Variants in KLHDC4 observed in about 807,000 individuals in gnomAD.
The protein encoded by KLHDC4 is kelch domain containing 4.
KLHDC4 carries 90 observed loss-of-function variants against 62.4 expected under a neutral mutation model. The observed-to-expected ratio is 1.44, with a 90% CI of 1.22 to 1.72. KLHDC4 has a LOEUF of 1.72. Ranked by LOEUF, KLHDC4 falls within the 40% of genes most tolerant of loss-of-function variation. KLHDC4 has a pLI of 0.00. For synonymous variants in KLHDC4, 386 were observed against 284.4 expected (o/e 1.36, Z -3.59); for missense variants, 1,025 against 699.7 (o/e 1.47, Z -5.25).
At chr16:87,714,429 G>A (rs760238206) in intron 8 of KLHDC4, 69 bp downstream of exon 8, 3 of 1,547,452 alleles carry the variant, frequency 1.9e-6, no homozygotes, top group Non-Finnish European at 2.6e-6. Flanking sequence ...ATCCATGGGA[G>A]GGTGTGGGCT....
intron 2 of KLHDC4, among the ~76,000 whole-genome samples, chr16:87,760,606 CAAAAAAAAAAA>C (rs546426686): frequency 1.9e-5 from 1 of 52,162 alleles, no homozygotes; most frequent in Non-Finnish European, 3.8e-5. Context: ...GACTCCGTCC[CAAAAAAAAAAA>C]AAAAAAAAAG....
At chr16:87,744,822 C>G (rs1396547864) in intron 5 of KLHDC4, among the ~76,000 whole-genome samples, 1 of 152,070 alleles carries the variant, frequency 6.6e-6, no homozygotes, top group Non-Finnish European at 1.5e-5. Flanking sequence ...AGTGTGCACG[C>G]ACCAGGTTCT....
At chr16:87,756,886 T>C (rs2143340348) in intron 2 of KLHDC4, among the ~76,000 whole-genome samples, 1 of 152,084 alleles carries the variant, frequency 6.6e-6, no homozygotes, top group African/African-American at 2.4e-5. Context: ...CAATCTCAGC[T>C]CACCACAACC....
At chr16:87,745,059 T>C (rs16943231) in intron 5 of KLHDC4, among the ~76,000 whole-genome samples, 2,497 of 152,384 alleles carry the variant, frequency 0.016, 56 homozygotes, top group Admixed American at 0.074. Context: ...TTTTTGTATA[T>C]ATTTTTGTAC....
chr16:87,753,989 A>C (rs533140528), intron 4 of KLHDC4, among the ~76,000 whole-genome samples: 423 of 150,356 alleles, frequency 2.8e-3, no homozygotes, highest in African/African-American at 6.7e-3. Context: ...AAAAAAAAAA[A>C]AGTAGCCGGA....
intron 5 of KLHDC4, 45 bp downstream of exon 5, chr16:87,748,628 C>A (rs767313855): frequency 2.0e-5 from 33 of 1,611,552 alleles, no homozygotes; most frequent in Non-Finnish European, 2.5e-5. Flanking sequence ...CACACAAGCA[C>A]AGAAGAGCCA....
intron 4 of KLHDC4, among the ~76,000 whole-genome samples, chr16:87,749,553 C>CAAAAAAAAA (rs74585020): frequency 1.3e-5 from 1 of 76,148 alleles, no homozygotes; most frequent in Non-Finnish European, 2.6e-5. Flanking sequence ...GACTCCATGT[C>CAAAAAAAAA]AAAAAAAAAA....
intron 4 of KLHDC4, among the ~76,000 whole-genome samples, chr16:87,753,465 A>G (rs1216012943): frequency 6.6e-6 from 1 of 152,126 alleles, no homozygotes; most frequent in East Asian, 1.9e-4. Context: ...GAACTGAATC[A>G]CCTCAGGACA....
intron 2 of KLHDC4, among the ~76,000 whole-genome samples, chr16:87,757,005 G>A (rs111803868): frequency 4.6e-5 from 7 of 151,542 alleles, no homozygotes; most frequent in African/African-American, 1.7e-4. Context: ...AGTAGAGATG[G>A]GGTTTCACTG....
chr16:87,756,721 C>CAAAAAAAAAAAAAAAAAAAA (rs35385743), intron 2 of KLHDC4, among the ~76,000 whole-genome samples: 1 of 98,812 alleles, frequency 1.0e-5, no homozygotes, highest in Non-Finnish European at 2.2e-5. Flanking sequence ...GTTGTATTAA[C>CAAAAAAAAAAAAAAAAAAAA]AAAAAAAAAA....
At chr16:87,756,499 G>C (rs1198364244) in intron 2 of KLHDC4, 22 bp from the exon 3 acceptor site, 15 of 1,597,104 alleles carry the variant, frequency 9.4e-6, no homozygotes, top group Non-Finnish European at 1.3e-5. Context: ...ACAAGCGGCA[G>C]GTCAGCAAGA....
intron 5 of KLHDC4, among the ~76,000 whole-genome samples, chr16:87,735,794 G>A (rs972067712): frequency 2.6e-5 from 4 of 152,172 alleles, no homozygotes; most frequent in African/African-American, 4.8e-5. Flanking sequence ...GGGGAATGTC[G>A]TGGTGGCGGC....
intron 9 of KLHDC4, 106 bp from the exon 10 acceptor site, chr16:87,709,773 C>G: frequency 2.3e-6 from 3 of 1,321,022 alleles, no homozygotes; most frequent in Middle Eastern, 1.9e-4. Flanking sequence ...CACCCACAAG[C>G]GTGGGGAGTG....
chr16:87,756,221 A>G (rs2044866259), intron 3 of KLHDC4, 178 bp downstream of exon 3: 2 of 533,326 alleles, frequency 3.8e-6, no homozygotes, highest in Admixed American at 2.9e-5. Context: ...GAAGTCATCA[A>G]CAGTCATGCC....
At chr16:87,712,346 A>G (rs996049469) in intron 8 of KLHDC4, among the ~76,000 whole-genome samples, 1 of 151,730 alleles carries the variant, frequency 6.6e-6, no homozygotes, top group Non-Finnish European at 1.5e-5. Flanking sequence ...GCCCATGCCC[A>G]GTGTGGGCGT....
At chr16:87,729,832 T>C (rs561480565) in intron 6 of KLHDC4, among the ~76,000 whole-genome samples, 4 of 152,322 alleles carry the variant, frequency 2.6e-5, no homozygotes, top group African/African-American at 9.6e-5. Flanking sequence ...CCTGGGAGCT[T>C]GTTAAAATGC....
At chr16:87,718,953 C>T (rs1049952669) in intron 7 of KLHDC4, among the ~76,000 whole-genome samples, 29 of 151,180 alleles carry the variant, frequency 1.9e-4, no homozygotes, top group Non-Finnish European at 3.0e-4. Context: ...TCTGCCCGGC[C>T]GCCCGGTCTG....
chr16:87,711,934 G>GCCTGCACGGGGCCCCTCCGC (rs2035950456), intron 8 of KLHDC4, among the ~76,000 whole-genome samples: 1 of 135,452 alleles, frequency 7.4e-6, no homozygotes, highest in African/African-American at 3.4e-5. Flanking sequence ...CCCCCCTTGG[G>GCCTGCACGGGGCCCCTCCGC]CCTGCACGGG....
chr16:87,746,160 C>T (rs1329802153), intron 5 of KLHDC4, among the ~76,000 whole-genome samples: 1 of 152,008 alleles, frequency 6.6e-6, no homozygotes, highest in Non-Finnish European at 1.5e-5. Flanking sequence ...ATCCTGGCTA[C>T]TAGGGGGGCT....
Sources: gnomAD v4.1 joint callset for allele counts (sites outside exome capture counted in the v4.1 genomes callset) on GRCh38, gnomAD v4.1.1 for gene constraint, MANE v1.5 for transcripts, NCBI Gene and HGNC (gene_info 2026-07-23, HGNC 2026-07-21) for gene names.